NCOR1: variants seen among roughly 807,000 people sequenced by gnomAD.
NCOR1 encodes protein phosphatase 1, regulatory subunit 109.
Under a neutral mutation model 288.1 loss-of-function variants are expected in NCOR1, and 63 were observed. The observed-to-expected ratio is 0.22, with a 90% CI of 0.18 to 0.27. NCOR1 has a LOEUF of 0.27. NCOR1 is among the 10% of genes least tolerant of loss of function. The probability of loss-of-function intolerance (pLI) is 1.00; values close to 1 mark genes in which losing one functional copy is unlikely to be tolerated. For missense variants in NCOR1, 2,397 were observed against 3,019.2 expected, an observed-to-expected ratio of 0.79 and a Z score of 4.83; for synonymous variants, 1,007 against 1,065.9, an observed-to-expected ratio of 0.94 and a Z score of 1.08.
chr17:16,099,417 T>C (rs1568005708), intron 20 of NCOR1, among the ~76,000 whole-genome samples: 1 of 152,178 alleles, frequency 6.6e-6, no homozygotes, highest in Non-Finnish European at 1.5e-5. Context: ...ACATACTATA[T>C]AAAGAAAGAT....
intron 2 of NCOR1, among the ~76,000 whole-genome samples, chr17:16,189,254 C>T (rs772008924): frequency 8.6e-5 from 13 of 151,886 alleles, no homozygotes; most frequent in Non-Finnish European, 1.8e-4. Flanking sequence ...ATTAGCCAGG[C>T]GTGGTGGCAC....
At chr17:16,191,136 G>A (rs1024602931) in intron 2 of NCOR1, among the ~76,000 whole-genome samples, 1 of 152,110 alleles carries the variant, frequency 6.6e-6, no homozygotes, top group Admixed American at 6.5e-5. Flanking sequence ...TCACAGGCTG[G>A]GCTAAAAATA....
At chr17:16,199,450 C>A (rs1244766078) in intron 1 of NCOR1, among the ~76,000 whole-genome samples, 1 of 152,168 alleles carries the variant, frequency 6.6e-6, no homozygotes, top group East Asian at 1.9e-4. Context: ...GCTAAATGTA[C>A]AAAAGATACA....
At chr17:16,164,821 AATGT>A (rs2081672221) in intron 5 of NCOR1, 154 bp downstream of exon 5, 1 of 513,746 alleles carries the variant, frequency 1.9e-6, no homozygotes. Flanking sequence ...AAAATGAATG[AATGT>A]AAGAAAACCA....
intron 14 of NCOR1, among the ~76,000 whole-genome samples, chr17:16,132,712 C>T (rs962684789): frequency 2.0e-5 from 3 of 151,982 alleles, no homozygotes; most frequent in Non-Finnish European, 4.4e-5. Context: ...TCAGAGTAAA[C>T]ACTACTAAGC....
intron 21 of NCOR1, among the ~76,000 whole-genome samples, chr17:16,096,859 T>C (rs2066719492): frequency 1.3e-5 from 2 of 152,160 alleles, no homozygotes; most frequent in South Asian, 2.1e-4. Flanking sequence ...CTAGTCACAA[T>C]AGTCCAGAGG....
Position 16,040,291 on chromosome 17 carries a change from G to C in NCOR1, c.6733+150C>G, listed in dbSNP as rs747028032. ...ATCTCAGTTCCTTTCTGTGCTACTG[G>C]GTAAACCTTCCTTCACTAAATTATT... is the stretch of plus-strand genomic sequence containing the variant. On this transcript the variant is annotated intron_variant, in intron 43 of 45. Transcript: ENST00000268712. 95 of 728,448 alleles carry C rather than the reference G, an allele frequency of 1.3e-4. No homozygotes were observed. In the Middle Eastern group the frequency reaches 2.1e-3, roughly 16 times the overall value. The allele number at this position is 728,448 out of a possible 1,614,324, so 45.1% of individuals were successfully genotyped here. A position where few individuals can be genotyped will look rare whatever the true frequency, so the allele number is the denominator to read the frequency against.
chr17:16,050,853 A>C (rs977863832), intron 40 of NCOR1, among the ~76,000 whole-genome samples: 1 of 151,910 alleles, frequency 6.6e-6, no homozygotes, highest in Non-Finnish European at 1.5e-5. Flanking sequence ...TTTATTTTTG[A>C]GACAGGGTCT....
intron 1 of NCOR1, among the ~76,000 whole-genome samples, chr17:16,195,592 T>A (rs1007613592): frequency 1.3e-5 from 2 of 152,256 alleles, no homozygotes; most frequent in Non-Finnish European, 2.9e-5. Flanking sequence ...ATGCCACACT[T>A]TTCAAATTAC....
chr17:16,133,545 C>G (rs568117512), intron 14 of NCOR1, among the ~76,000 whole-genome samples: 2 of 152,166 alleles, frequency 1.3e-5, no homozygotes, highest in African/African-American at 4.8e-5. Flanking sequence ...GGAGTTGATA[C>G]ATAGATTTTG....
Position 16,101,168 on chromosome 17 carries a change from A to G in NCOR1, c.2690+82T>C, listed in dbSNP as rs1417547258. 5.8e-6 allele frequency: 8 copies of G among 1,391,200 alleles called. No homozygotes were observed. The African/African-American group carries it at 8.7e-5, about 15-fold the overall frequency. The allele number at this position is 1,391,200 out of a possible 1,614,324, so 86.2% of individuals were successfully genotyped here. On this transcript the variant is annotated intron_variant, in intron 20 of 45. Transcript: ENST00000268712. ...ACGTGCCAATATTTACATAGGAGAC[A>G]TGTCTGCAGCCAGCACCACCCTGTG...
intron 31 of NCOR1, 88 bp from the exon 32 acceptor site, chr17:16,068,209 C>T: frequency 9.3e-7 from 1 of 1,072,670 alleles, no homozygotes; most frequent in Non-Finnish European, 1.4e-6. Context: ...CAAATAAAGA[C>T]TATATTCATG....
chr17:16,061,844 C>T lies in NCOR1; in HGVS notation c.5438G>A (p.Arg1813His), dbSNP rs765553300. 1.1e-5 allele frequency: 17 copies of T among 1,613,830 alleles called. No homozygotes were observed. The highest frequency in any genetic ancestry group is 3.3e-5 in the Admixed American group (2 of 59,982). Residue 1813 changes from arginine (R) to histidine (H), a missense_variant, in exon 37 of 46, where the codon CGT (arginine) becomes CAT (histidine). By Grantham distance (29) the Arg-to-His change is conservative. Coordinates refer to ENST00000268712, the MANE Select transcript of NCOR1 (RefSeq NM_006311.4). ...PSISQGLPAS[R>H]YNTAADALAA... The stretch of plus-strand genomic sequence containing the variant: ...CAGGGCATCCGCAGCAGTGTTGTAA[C>T]GGGAGGCTGGCAGGCCTTGGCTTAT...
At chr17:16,127,597 G>GTATACATACATATGTGTATGTGTATA (rs1568206751) in intron 14 of NCOR1, among the ~76,000 whole-genome samples, 3 of 136,202 alleles carry the variant, frequency 2.2e-5, no homozygotes, top group Non-Finnish European at 3.1e-5. Flanking sequence ...ATATATGTAT[G>GTATACATACATATGTGTATGTGTATA]TATACATACA....
chr17:16,188,969 G>A (rs1372033293), intron 2 of NCOR1, among the ~76,000 whole-genome samples: 3 of 151,854 alleles, frequency 2.0e-5, no homozygotes, highest in African/African-American at 7.3e-5. Flanking sequence ...AGTTTGCAGT[G>A]AGCCTAGACG....
At chr17:16,103,816 G>C (rs1483939952) in intron 19 of NCOR1, among the ~76,000 whole-genome samples, 1 of 152,224 alleles carries the variant, frequency 6.6e-6, no homozygotes, top group Non-Finnish European at 1.5e-5. Flanking sequence ...AGGAGTTTGA[G>C]ACCATCCTGA....
In NCOR1 at chr17:16,091,924, C is replaced by T; in HGVS notation, c.2955G>A (p.Leu985=). ...EQRQRQEQID[L]ECRSSTSPCG... ...ATGGACTTGTAGAACTTCTACATTCCAAATCTATCTGTTCTTGTCTCTGCC... is the reference window on the plus strand; with the variant it reads ...ATGGACTTGTAGAACTTCTACATTCTAAATCTATCTGTTCTTGTCTCTGCC... Residue 985 remains leucine (L), a synonymous_variant, in exon 22 of 46, where the codon TTG becomes TTA. Coordinates refer to ENST00000268712, the MANE Select transcript of NCOR1 (RefSeq NM_006311.4). 6.2e-7 allele frequency: 1 copy of T among 1,614,162 alleles called. No individual in the cohort carries two copies. The highest frequency in any genetic ancestry group is 1.1e-5 in the South Asian group (1 of 91,084).
chr17:16,190,834 G>T (rs1335318356), intron 2 of NCOR1, among the ~76,000 whole-genome samples: 1 of 152,198 alleles, frequency 6.6e-6, no homozygotes, highest in Non-Finnish European at 1.5e-5. Flanking sequence ...CTGAATAATA[G>T]GCAGCAGAGG....
intron 42 of NCOR1, chr17:16,044,554 G>A (rs1224138222): frequency 2.0e-6 from 1 of 506,980 alleles, no homozygotes; most frequent in South Asian, 1.5e-5. Context: ...ACGTTGGGAT[G>A]AGGCCCTCAC....
Sources: allele counts gnomAD v4.1 joint callset (sites outside exome capture counted in the v4.1 genomes callset), GRCh38; gene constraint gnomAD v4.1.1; transcripts MANE v1.5; gene names NCBI Gene and HGNC (gene_info 2026-07-23, HGNC 2026-07-21).